ZNF654: variants seen among roughly 807,000 people sequenced by gnomAD.
ZNF654 encodes the protein zinc finger protein 654.
A neutral mutation model predicts 95.3 loss-of-function variants in ZNF654; 19 were observed. The ratio of observed to expected loss-of-function variants is 0.20; its 90% CI spans 0.14 to 0.29. The LOEUF (loss-of-function observed/expected upper bound fraction) is 0.29, where lower values mean the gene tolerates loss of function less well. ZNF654 is among the 10% of genes least tolerant of loss of function. The probability of loss-of-function intolerance (pLI) is 1.00; values close to 1 mark genes in which losing one functional copy is unlikely to be tolerated. For missense variants in ZNF654, 1,046 were observed against 1,341.0 expected, an observed-to-expected ratio of 0.78 and a Z score of 3.44; for synonymous variants, 413 against 457.9, an observed-to-expected ratio of 0.90 and a Z score of 1.25.
chr3:88,117,638 G>T (rs1705490453), intron 3 of ZNF654, among the ~76,000 whole-genome samples: 1 of 152,068 alleles, frequency 6.6e-6, no homozygotes. Flanking sequence ...TTTTATTATG[G>T]TTATCATGAA....
intron 6 of ZNF654, among the ~76,000 whole-genome samples, chr3:88,134,697 T>A (rs1706667174): frequency 1.3e-5 from 2 of 152,118 alleles, no homozygotes; most frequent in Admixed American, 1.3e-4. Flanking sequence ...TACAACATTG[T>A]TTTCTAAATT....
At chr3:88,115,735 A>G (rs1559720171) in intron 3 of ZNF654, among the ~76,000 whole-genome samples, 1 of 152,166 alleles carries the variant, frequency 6.6e-6, no homozygotes, top group Non-Finnish European at 1.5e-5. Flanking sequence ...GGCTTCCGAA[A>G]GTTTTCTTCT....
chr3:88,092,981 A>G (rs1488477814), intron 2 of ZNF654, among the ~76,000 whole-genome samples: 1 of 152,208 alleles, frequency 6.6e-6, no homozygotes, highest in Non-Finnish European at 1.5e-5. Context: ...TTACAGAAAT[A>G]AAAAGTCATG....
At chr3:88,080,350 T>C (rs541098606) in intron 1 of ZNF654, among the ~76,000 whole-genome samples, 38 of 152,272 alleles carry the variant, frequency 2.5e-4, no homozygotes, top group African/African-American at 8.7e-4. Context: ...TTTTCTTTTC[T>C]TAAAACAAGG....
chr3:88,113,827 A>G (rs1261487073), intron 3 of ZNF654, among the ~76,000 whole-genome samples: 4 of 138,638 alleles, frequency 2.9e-5, no homozygotes, highest in African/African-American at 7.8e-5. Flanking sequence ...AACATATCTT[A>G]TATTTGTTAA....
At chr3:88,134,097 G>A (rs1228026571) in intron 6 of ZNF654, among the ~76,000 whole-genome samples, 2 of 149,656 alleles carry the variant, frequency 1.3e-5, no homozygotes, top group Non-Finnish European at 3.0e-5. Flanking sequence ...CTAAAAGAGT[G>A]TGAGTTAAAA....
rs1414409741 is a variant in ZNF654, at chr3:88,139,871, A to C, written c.2202A>C (p.Pro734=). 6.2e-7 allele frequency: 1 copy of C among 1,607,906 alleles called. No homozygotes were observed. Among genetic ancestry groups the C allele is most frequent in the East Asian group, 2.2e-5 (1 of 44,770 alleles). The change falls in exon 8 of 9, where the codon CCA becomes CCC. Residue 734 remains proline, a synonymous_variant. Coordinates refer to ENST00000636215, the MANE Select transcript of ZNF654 (RefSeq NM_001350134.2). ...AAATCAATGGAACTGTGTGCCATCCAAAAGACATATATGCCACAGATCAAG... is the reference window on the plus strand; with the variant it reads ...AAATCAATGGAACTGTGTGCCATCCCAAAGACATATATGCCACAGATCAAG... ...IHKINGTVCH[P]KDIYATDQEG...
In ZNF654 at chr3:88,126,078, A is replaced by G. The variant is rs541574631; in HGVS notation, c.415-56A>G. 1.2e-5 allele frequency: 17 copies of G among 1,382,910 alleles called. No individual in the cohort carries two copies. In the Admixed American group the frequency reaches 4.8e-4, roughly 39 times the overall value. The allele number at this position is 1,382,910 out of a possible 1,614,324, so 85.7% of individuals were successfully genotyped here. A position where few individuals can be genotyped will look rare whatever the true frequency, so the allele number is the denominator to read the frequency against. On this transcript the variant is annotated intron_variant, in intron 3 of 8. Coordinates refer to ENST00000636215, the MANE Select transcript of ZNF654 (RefSeq NM_001350134.2). ...GTCATTTTATTGACAATGATGATCA[A>G]GTTTAGTTTTTAACCCCTTTAAATT... is the stretch of plus-strand genomic sequence containing the variant.
chr3:88,062,240 A>C (rs755203365), intron 1 of ZNF654, among the ~76,000 whole-genome samples: 6 of 152,218 alleles, frequency 3.9e-5, no homozygotes, highest in Non-Finnish European at 8.8e-5. Context: ...CTTAAGCTTC[A>C]GACAGCAAGT....
chr3:88,134,123 G>T (rs1214451392), intron 6 of ZNF654, among the ~76,000 whole-genome samples: 1 of 151,642 alleles, frequency 6.6e-6, no homozygotes, highest in African/African-American at 2.4e-5. Context: ...AAAGGTGGGG[G>T]GTAGTGGACT....
At chr3:88,089,065 G>A (rs921125347) in intron 2 of ZNF654, among the ~76,000 whole-genome samples, 3 of 151,086 alleles carry the variant, frequency 2.0e-5, no homozygotes, top group Non-Finnish European at 2.9e-5. Context: ...GAGCTACCAC[G>A]CCTGACCTAA....
chr3:88,127,722 G>C (rs1190600397), intron 4 of ZNF654, among the ~76,000 whole-genome samples: 2 of 152,160 alleles, frequency 1.3e-5, no homozygotes, highest in African/African-American at 4.8e-5. Flanking sequence ...GAGGGCTGAT[G>C]GCCTTTTAGG....
chr3:88,080,611 A>G (rs1365592280), intron 1 of ZNF654, among the ~76,000 whole-genome samples: 4 of 152,048 alleles, frequency 2.6e-5, no homozygotes, highest in Admixed American at 6.6e-5. Flanking sequence ...TCCAAAGCCT[A>G]TACTCTTTCC....
chr3:88,131,719 T>C (rs1706475400), intron 6 of ZNF654, among the ~76,000 whole-genome samples: 1 of 152,172 alleles, frequency 6.6e-6, no homozygotes, highest in South Asian at 2.1e-4. Context: ...CCCTTCCTTC[T>C]AAATAGCGTG....
At chr3:88,133,072 A>G (rs1027592481) in intron 6 of ZNF654, among the ~76,000 whole-genome samples, 9 of 152,184 alleles carry the variant, frequency 5.9e-5, no homozygotes, top group Admixed American at 5.2e-4. Context: ...CAGCAGGAAC[A>G]TCAACAAACC....
intron 2 of ZNF654, among the ~76,000 whole-genome samples, chr3:88,102,137 T>C (rs1211283802): frequency 6.6e-6 from 1 of 152,156 alleles, no homozygotes; most frequent in Non-Finnish European, 1.5e-5. Flanking sequence ...AGTTTATTGC[T>C]GGTTTAAAGA....
At chr3:88,070,902 G>A (rs1707474503) in intron 1 of ZNF654, among the ~76,000 whole-genome samples, 1 of 152,160 alleles carries the variant, frequency 6.6e-6, no homozygotes, top group Non-Finnish European at 1.5e-5. Flanking sequence ...TCTGTGGGCA[G>A]TGCAATGATG....
chr3:88,075,679 C>T (rs1179528493), intron 1 of ZNF654, among the ~76,000 whole-genome samples: 1 of 152,196 alleles, frequency 6.6e-6, no homozygotes, highest in Non-Finnish European at 1.5e-5. Flanking sequence ...TAGGATATGT[C>T]ATTTCAGATA....
chr3:88,116,561 T>TACACACACACACACAC (rs61470020), intron 3 of ZNF654, among the ~76,000 whole-genome samples: 11 of 151,032 alleles, frequency 7.3e-5, no homozygotes, highest in African/African-American at 2.4e-4. Flanking sequence ...TACATATATA[T>TACACACACACACACAC]ACACACACAC....
Sources: gnomAD v4.1 joint callset for allele counts (sites outside exome capture counted in the v4.1 genomes callset) on GRCh38, gnomAD v4.1.1 for gene constraint, MANE v1.5 for transcripts, NCBI Gene and HGNC (gene_info 2026-07-23, HGNC 2026-07-21) for gene names.